Variants in DLG2 observed in about 807,000 individuals in gnomAD.
DLG2 encodes the protein discs large MAGUK scaffold protein 2.
Under a neutral mutation model 132.5 loss-of-function variants are expected in DLG2, and 45 were observed. That is an observed-to-expected ratio of 0.34 (90% confidence interval 0.27 to 0.44). DLG2 has a LOEUF of 0.44. DLG2 is among the 20% of genes least tolerant of loss of function. The probability of loss-of-function intolerance (pLI) is 1.00; values close to 1 mark genes in which losing one functional copy is unlikely to be tolerated. For synonymous variants in DLG2, 424 were observed against 419.6 expected, an observed-to-expected ratio of 1.01 and a Z score of -0.13; for missense variants, 1,045 against 1,196.9, an observed-to-expected ratio of 0.87 and a Z score of 1.87.
At chr11:84,638,498 A>G (rs2099644546) in intron 6 of DLG2, among the ~76,000 whole-genome samples, 1 of 152,190 alleles carries the variant, frequency 6.6e-6, no homozygotes, top group Admixed American at 6.5e-5. Context: ...TAAGATGAAT[A>G]ATCATTTAAG....
At chr11:83,667,597 G>A (rs2075863517) in intron 18 of DLG2, among the ~76,000 whole-genome samples, 1 of 152,196 alleles carries the variant, frequency 6.6e-6, no homozygotes, top group Non-Finnish European at 1.5e-5. Flanking sequence ...AATTCAGAAA[G>A]CCATGCTAAG....
At chr11:84,232,061 T>A (rs1393990122) in intron 8 of DLG2, among the ~76,000 whole-genome samples, 1 of 151,822 alleles carries the variant, frequency 6.6e-6, no homozygotes, top group Non-Finnish European at 1.5e-5. Context: ...AAAGCCAGAC[T>A]ATGTGAAATA....
intron 7 of DLG2, among the ~76,000 whole-genome samples, chr11:84,318,378 T>A (rs2098381082): frequency 6.6e-6 from 1 of 152,238 alleles, no homozygotes; most frequent in Admixed American, 6.5e-5. Context: ...GAAATAATTT[T>A]GGTTTAAGTG....
At chr11:84,600,957 A>G (rs2099575403) in intron 6 of DLG2, among the ~76,000 whole-genome samples, 2 of 152,212 alleles carry the variant, frequency 1.3e-5, no homozygotes, top group Admixed American at 6.5e-5. Context: ...ATGGCTTAAC[A>G]CAAGGTAAAA....
chr11:84,508,668 G>A (rs1290756512), intron 7 of DLG2, among the ~76,000 whole-genome samples: 3 of 152,042 alleles, frequency 2.0e-5, no homozygotes, highest in African/African-American at 7.2e-5. Context: ...CCAAAGTGCT[G>A]GGATTACAAG....
chr11:84,563,365 A>G (rs2099435407), intron 6 of DLG2, among the ~76,000 whole-genome samples: 1 of 152,186 alleles, frequency 6.6e-6, no homozygotes, highest in South Asian at 2.1e-4. Context: ...ATAAATGTTG[A>G]TATTTCTTTT....
At chr11:83,859,581 G>C (rs938721920) in intron 16 of DLG2, among the ~76,000 whole-genome samples, 20 of 152,126 alleles carry the variant, frequency 1.3e-4, no homozygotes, top group African/African-American at 4.8e-4. Flanking sequence ...GCTGTTAAAG[G>C]CATTCAGTTT....
intron 7 of DLG2, among the ~76,000 whole-genome samples, chr11:84,523,419 A>G (rs1012001124): frequency 3.3e-5 from 5 of 152,212 alleles, no homozygotes; most frequent in African/African-American, 1.2e-4. Context: ...GCTTTCCACT[A>G]TATGCTATTA....
At chr11:84,301,545 G>C (rs2098153218) in intron 7 of DLG2, among the ~76,000 whole-genome samples, 1 of 150,808 alleles carries the variant, frequency 6.6e-6, no homozygotes, top group Non-Finnish European at 1.5e-5. Flanking sequence ...TATAGTCCCA[G>C]CTACTCGGGA....
intron 3 of DLG2, among the ~76,000 whole-genome samples, chr11:85,536,012 T>C (rs1450792237): frequency 6.6e-6 from 1 of 151,936 alleles, no homozygotes. Flanking sequence ...GCTCAGGAGT[T>C]AGAGACCAAA....
intron 3 of DLG2, among the ~76,000 whole-genome samples, chr11:85,333,744 A>G (rs746304267): frequency 3.9e-5 from 6 of 152,152 alleles, no homozygotes; most frequent in Non-Finnish European, 7.4e-5. Context: ...TGATTTCCAT[A>G]TGTTGAACCA....
chr11:85,423,734 A>T (rs553538650), intron 3 of DLG2, among the ~76,000 whole-genome samples: 1 of 152,206 alleles, frequency 6.6e-6, no homozygotes, highest in African/African-American at 2.4e-5. Context: ...CACAGATCTC[A>T]TCCAGCTCCC....
At chr11:83,494,792 T>C (rs1172374849) in intron 21 of DLG2, among the ~76,000 whole-genome samples, 2 of 152,032 alleles carry the variant, frequency 1.3e-5, no homozygotes, top group Non-Finnish European at 2.9e-5. Context: ...AGCCCTGTAC[T>C]ACCATAAAGA....
chr11:83,859,559 G>T (rs1429042209), intron 16 of DLG2, among the ~76,000 whole-genome samples: 1 of 152,194 alleles, frequency 6.6e-6, no homozygotes, highest in Non-Finnish European at 1.5e-5. Flanking sequence ...GCATTCAAGA[G>T]GTGACTTGGG....
At chr11:85,360,190 GA>G (rs2084038484) in intron 3 of DLG2, among the ~76,000 whole-genome samples, 1 of 152,144 alleles carries the variant, frequency 6.6e-6, no homozygotes, top group Non-Finnish European at 1.5e-5. Context: ...TGTCAGTTTA[GA>G]AAACAAGGGT....
Position 83,547,842 on chromosome 11 carries a change from C to T in DLG2, c.1941-5984G>A, listed in dbSNP as rs556175898. ...CAACTTTGGTACTGGAAGTGAGGTG[C>T]TATGTAACAAATACCTAAAAGTGTA... is the stretch of plus-strand genomic sequence containing the variant. On this transcript the variant is annotated intron_variant, in intron 19 of 27. Transcript: ENST00000376104. Among the ~76,000 whole-genome samples the T allele has an allele frequency of 1.4e-3, 219 of 152,192 alleles. 2 individuals are homozygous for T. The highest frequency in any genetic ancestry group is 5.9e-5 in the Non-Finnish European group (4 of 68,004).
intron 6 of DLG2, among the ~76,000 whole-genome samples, chr11:84,571,285 C>A (rs1023199300): frequency 6.0e-5 from 9 of 151,248 alleles, no homozygotes; most frequent in Non-Finnish European, 1.5e-5. Context: ...TGTTTTTCTT[C>A]CTCTTCATTT....
intron 12 of DLG2, among the ~76,000 whole-genome samples, chr11:83,969,997 A>G (rs1366277683): frequency 1.3e-5 from 2 of 152,204 alleles, no homozygotes; most frequent in Non-Finnish European, 2.9e-5. Flanking sequence ...CCACAAAAAC[A>G]TCTATACTGA....
chr11:84,214,257 A>G (rs944605214), intron 8 of DLG2, among the ~76,000 whole-genome samples: 8 of 142,948 alleles, frequency 5.6e-5, no homozygotes, highest in Non-Finnish European at 1.0e-4. Flanking sequence ...ATATACATAT[A>G]TATGAATATA....
Sources: allele counts gnomAD v4.1 joint callset (sites outside exome capture counted in the v4.1 genomes callset), GRCh38; gene constraint gnomAD v4.1.1; transcripts MANE v1.5; gene names NCBI Gene and HGNC (gene_info 2026-07-23, HGNC 2026-07-21).